Variants in DCBLD2 observed in about 807,000 individuals in gnomAD.
DCBLD2 encodes discoidin, CUB and LCCL domain-containing protein 2.
In DCBLD2, 54 loss-of-function variants were observed where a neutral mutation model predicts 86.8. That is an observed-to-expected ratio of 0.62 (90% CI 0.50 to 0.78). The LOEUF is 0.78. Ranked by LOEUF, DCBLD2 falls within the 30% of genes least tolerant of loss-of-function variation. The pLI, the probability that DCBLD2 is intolerant of heterozygous loss-of-function variation, is 0.00. For synonymous variants in DCBLD2, 354 were observed against 341.3 expected (o/e 1.04, Z -0.41); for missense variants, 908 against 954.2 (o/e 0.95, Z 0.64).
At chr3:98,870,737 A>AAAAGAAAGAAAGAAAGAAAAGAAAG (rs1943252211) in intron 2 of DCBLD2, among the ~76,000 whole-genome samples, 12 of 69,796 alleles carry the variant, frequency 1.7e-4, no homozygotes, top group African/African-American at 5.2e-4. Context: ...AAAAGAAAGA[A>AAAAGAAAGAAAGAAAGAAAAGAAAG]AAAGAAAGAA....
intron 3 of DCBLD2, among the ~76,000 whole-genome samples, chr3:98,841,118 C>A (rs1337701548): frequency 6.6e-6 from 1 of 152,166 alleles, no homozygotes; most frequent in African/African-American, 2.4e-5. Context: ...TATCCTTCCC[C>A]ATTACCTGCC....
chr3:98,860,068 G>A (rs1002149446), intron 2 of DCBLD2, among the ~76,000 whole-genome samples: 1 of 152,174 alleles, frequency 6.6e-6, no homozygotes, highest in Non-Finnish European at 1.5e-5. Context: ...TGAGAACTAC[G>A]TGACGAATGC....
intron 10 of DCBLD2, 135 bp downstream of exon 10, chr3:98,812,197 C>T (rs2107436540): frequency 1.7e-6 from 2 of 1,208,526 alleles, no homozygotes; most frequent in South Asian, 1.8e-5. Flanking sequence ...TTTTTAACAT[C>T]CCTTTAAGAA....
intron 12 of DCBLD2, among the ~76,000 whole-genome samples, chr3:98,810,458 G>T (rs1272969045): frequency 6.6e-6 from 1 of 152,172 alleles, no homozygotes; most frequent in African/African-American, 2.4e-5. Context: ...AATTACTTTG[G>T]ATGAACGGCT....
Position 98,901,412 on chromosome 3 carries a change from C to G in DCBLD2, c.-86G>C. On this transcript the variant is annotated 5_prime_UTR_variant, in exon 1 of 16. Coordinates refer to ENST00000326840, the MANE Select transcript of DCBLD2 (RefSeq NM_080927.4). The stretch of plus-strand genomic sequence containing the variant: ...GCCGCGGCACCCGACCAGGAGACGG[C>G]GGCAGCGGCGGGAGAACAAGAGGCA... 2 of 1,228,172 alleles carry G rather than the reference C, an allele frequency of 1.6e-6. No individual in the cohort carries two copies. Among genetic ancestry groups the G allele is most frequent in the Non-Finnish European group, 2.0e-6 (2 of 981,254 alleles). The allele number at this position is 1,228,172 out of a possible 1,614,324, so 76.1% of individuals were successfully genotyped here.
chr3:98,866,646 T>C lies in DCBLD2; in HGVS notation c.433+14894A>G, dbSNP rs538574251. 3.2e-3 allele frequency among the ~76,000 whole-genome samples: 490 copies of C among 152,158 alleles called. 3 individuals carry two copies. The highest frequency in any genetic ancestry group is 8.3e-3 in the African/African-American group (346 of 41,530). Reference sequence around the variant, plus strand: ...AGTAGATTGCAAAAATTTTCTCCCATTCTGTAGGTTGCCTGTTCACTCTGA... The same window carrying C: ...AGTAGATTGCAAAAATTTTCTCCCACTCTGTAGGTTGCCTGTTCACTCTGA... On this transcript the variant is annotated intron_variant, in intron 2 of 15. Transcript: ENST00000326840.
At chr3:98,883,820 G>A (rs577624940) in intron 1 of DCBLD2, among the ~76,000 whole-genome samples, 1 of 152,060 alleles carries the variant, frequency 6.6e-6, no homozygotes, top group Non-Finnish European at 1.5e-5. Context: ...AACTCAATAT[G>A]GACACAGAGG....
intron 2 of DCBLD2, among the ~76,000 whole-genome samples, chr3:98,879,482 G>A (rs929552654): frequency 1.3e-4 from 20 of 151,990 alleles, no homozygotes; most frequent in Non-Finnish European, 2.6e-4. Context: ...CGTCTCCCGG[G>A]TTCACGCCAT....
At chr3:98,899,224 A>C (rs1193037165) in intron 1 of DCBLD2, among the ~76,000 whole-genome samples, 1 of 151,098 alleles carries the variant, frequency 6.6e-6, no homozygotes, top group Non-Finnish European at 1.5e-5. Flanking sequence ...AAATGAAGTA[A>C]TGTTGCTTGT....
chr3:98,820,924 A>G (rs951860045), intron 6 of DCBLD2: 1 of 150,566 alleles, frequency 6.6e-6, no homozygotes, highest in Non-Finnish European at 1.5e-5. Flanking sequence ...CAAACACTAA[A>G]TCTTTCTAAA....
At chr3:98,806,287 A>T (rs746823466) in intron 13 of DCBLD2, among the ~76,000 whole-genome samples, 24 of 152,200 alleles carry the variant, frequency 1.6e-4, no homozygotes, top group Non-Finnish European at 3.2e-4. Flanking sequence ...ATAAAATTGA[A>T]AATAGAAAAT....
At chr3:98,852,613 T>C (rs1051805727) in intron 2 of DCBLD2, among the ~76,000 whole-genome samples, 3 of 152,198 alleles carry the variant, frequency 2.0e-5, no homozygotes, top group Non-Finnish European at 2.9e-5. Flanking sequence ...GTTACATATA[T>C]GGCAAAACGG....
At chr3:98,867,897 G>A (rs1943186144) in intron 2 of DCBLD2, among the ~76,000 whole-genome samples, 2 of 151,788 alleles carry the variant, frequency 1.3e-5, no homozygotes, top group Admixed American at 1.3e-4. Flanking sequence ...CCGCCTCCCA[G>A]GTTCATGCCA....
chr3:98,799,549 T>A lies in DCBLD2; in HGVS notation c.2151A>T (p.Thr717=). The change falls in exon 16 of 16, where the codon ACA becomes ACT. Residue 717 remains threonine, a synonymous_variant. Coordinates refer to ENST00000326840, the MANE Select transcript of DCBLD2 (RefSeq NM_080927.4). ...AGCAGCTGTCAGTCCTGGAGAGAAGTGTATTGTAAGTTCCCACTAGTGGGG... is the reference window on the plus strand; with the variant it reads ...AGCAGCTGTCAGTCCTGGAGAGAAGAGTATTGTAAGTTCCCACTAGTGGGG... ...QPPPLVGTYN[T]LLSRTDSCSS... is the part of the protein sequence containing the mutation. 1 of 1,613,820 alleles carries A rather than the reference T, an allele frequency of 6.2e-7. No individual in the cohort carries two copies. Among genetic ancestry groups the A allele is most frequent in the Non-Finnish European group, 8.5e-7 (1 of 1,179,864 alleles).
chr3:98,817,410 T>C (rs560951160), intron 9 of DCBLD2, among the ~76,000 whole-genome samples: 4 of 152,244 alleles, frequency 2.6e-5, no homozygotes, highest in African/African-American at 9.6e-5. Flanking sequence ...GCCTACAGAG[T>C]AGAAATCTGG....
chr3:98,844,252 T>A (rs905590458), intron 3 of DCBLD2, among the ~76,000 whole-genome samples: 2 of 152,040 alleles, frequency 1.3e-5, no homozygotes, highest in Non-Finnish European at 2.9e-5. Flanking sequence ...AAAACAGAAA[T>A]TTAGATCATC....
intron 2 of DCBLD2, among the ~76,000 whole-genome samples, chr3:98,867,801 TTTTTTG>T (rs1198252824): frequency 2.2e-4 from 33 of 149,460 alleles, no homozygotes; most frequent in African/African-American, 6.6e-4. Context: ...GTTTTTGTTG[TTTTTTG>T]TTTTTTTTTT....
rs1553726365 is a variant in DCBLD2, at chr3:98,835,929, C to CCTTTCTTT, written c.572-10571_572-10564dup. On this transcript the variant is annotated intron_variant, in intron 3 of 15. Coordinates refer to ENST00000326840, the MANE Select transcript of DCBLD2 (RefSeq NM_080927.4). ...TTCTTTCTTTCTTTCTTTCTTCCTT[C>CCTTTCTTT]CTTTCTTTCTTTTTTTTTTTTTTTA... Among the ~76,000 whole-genome samples, 171 of 19,676 alleles carry CCTTTCTTT rather than the reference C, an allele frequency of 8.7e-3. 1 individual carries two copies. Among genetic ancestry groups the CCTTTCTTT allele is most frequent in the Admixed American group, 0.021 (29 of 1,414 alleles). 12.9% of individuals were successfully genotyped at this position (19,676 alleles called of 152,430 possible).
chr3:98,884,490 T>C (rs1943525444), intron 1 of DCBLD2, among the ~76,000 whole-genome samples: 1 of 150,950 alleles, frequency 6.6e-6, no homozygotes, highest in South Asian at 2.1e-4. Context: ...ATTAAAAACA[T>C]AGGGATATAA....
Sources: allele counts gnomAD v4.1 joint callset (sites outside exome capture counted in the v4.1 genomes callset), GRCh38; gene constraint gnomAD v4.1.1; transcripts MANE v1.5; gene names NCBI Gene and HGNC (gene_info 2026-07-23, HGNC 2026-07-21).